LAMA2: variants seen among roughly 807,000 people sequenced by gnomAD.
The protein encoded by LAMA2 is laminin subunit alpha-2.
Under a neutral mutation model 364.8 loss-of-function variants are expected in LAMA2, and 269 were observed. That is an observed-to-expected ratio of 0.74 (90% confidence interval 0.67 to 0.82). LAMA2 has a LOEUF of 0.82. LAMA2 is among the 40% of genes least tolerant of loss of function. The pLI is 0.00. For missense variants in LAMA2, 3,807 were observed against 3,873.2 expected (o/e 0.98, Z 0.45); for synonymous variants, 1,379 against 1,370.6 (o/e 1.01, Z -0.14).
At chr6:129,505,054 C>T (rs1375891563) in intron 60 of LAMA2, 146 bp from the exon 61 acceptor site, 2 of 705,328 alleles carry the variant, frequency 2.8e-6, no homozygotes, top group East Asian at 5.2e-5. Flanking sequence ...TTAACTTTCC[C>T]ATATATAATG....
intron 35 of LAMA2, among the ~76,000 whole-genome samples, chr6:129,388,935 G>T (rs762524838): frequency 6.6e-6 from 1 of 152,150 alleles, no homozygotes; most frequent in Non-Finnish European, 1.5e-5. Context: ...GAAGCAGAAA[G>T]CTTCTTACAT....
intron 41 of LAMA2, among the ~76,000 whole-genome samples, chr6:129,433,466 T>A (rs1268844458): frequency 2.6e-5 from 4 of 152,160 alleles, no homozygotes; most frequent in Non-Finnish European, 5.9e-5. Context: ...CTGAACACAG[T>A]CACTTATGCC....
chr6:128,944,048 G>C (rs971502103), intron 1 of LAMA2, among the ~76,000 whole-genome samples: 6 of 152,138 alleles, frequency 3.9e-5, no homozygotes, highest in Non-Finnish European at 7.4e-5. Flanking sequence ...GTACTTTGTA[G>C]GAACTAATGT....
At chr6:129,239,862 G>A (rs1200732211) in intron 12 of LAMA2, among the ~76,000 whole-genome samples, 1 of 152,134 alleles carries the variant, frequency 6.6e-6, no homozygotes, top group Admixed American at 6.5e-5. Flanking sequence ...TGGAGGGACA[G>A]AACTAATAGG....
chr6:129,348,914 T>C (rs898925386), intron 30 of LAMA2, among the ~76,000 whole-genome samples: 20 of 152,168 alleles, frequency 1.3e-4, no homozygotes, highest in Admixed American at 1.2e-3. Context: ...CTAAGAGATA[T>C]TAAGTAATAG....
chr6:129,413,210 AAG>A (rs1780623081), intron 40 of LAMA2, among the ~76,000 whole-genome samples: 1 of 152,170 alleles, frequency 6.6e-6, no homozygotes, highest in African/African-American at 2.4e-5. Flanking sequence ...ATTAAGGACA[AAG>A]AAAGTGATCA....
Position 129,095,923 on chromosome 6 carries a change from GAA to G in LAMA2, c.397-2238_397-2237del, listed in dbSNP as rs531081776. ...GGACAACAGAGCAGGACGCAGTCTG[GAA>G]AAAAAAAAAAAGTGTAAAAGCTAGA... On this transcript the variant is annotated intron_variant, in intron 3 of 64. Transcript: ENST00000421865. Among the ~76,000 whole-genome samples the G allele has an allele frequency of 2.2e-3, 308 of 140,424 alleles. 1 individual carries two copies. The highest frequency in any genetic ancestry group is 7.6e-3 in the African/African-American group (292 of 38,664). The allele number at this position is 140,424 out of a possible 152,430, so 92.1% of individuals were successfully genotyped here.
intron 1 of LAMA2, among the ~76,000 whole-genome samples, chr6:128,920,504 A>G (rs1419350517): frequency 6.6e-6 from 1 of 152,010 alleles, no homozygotes; most frequent in East Asian, 1.9e-4. Context: ...TCTGACCTCT[A>G]GACTAGTTTG....
chr6:129,042,706 G>C (rs1345165102), intron 1 of LAMA2, among the ~76,000 whole-genome samples: 1 of 151,902 alleles, frequency 6.6e-6, no homozygotes. Flanking sequence ...CATTTTTCCT[G>C]TTTTATTTTC....
In LAMA2 at chr6:129,315,407, C is replaced by T. The variant is rs569152048; in HGVS notation, c.3556-69C>T. On this transcript the variant is annotated intron_variant, in intron 24 of 64. Coordinates refer to ENST00000421865, the MANE Select transcript of LAMA2 (RefSeq NM_000426.4). The stretch of plus-strand genomic sequence containing the variant: ...AGGAACTGCAGATAGACATGCAGTT[C>T]GTAACTTAGTTTTAAAGAAATGTCC... The T allele has an allele frequency of 1.4e-4, 193 of 1,386,996 alleles. 1 individual carries two copies. In the South Asian group the frequency reaches 1.5e-3, roughly 11 times the overall value. 85.9% of individuals were successfully genotyped at this position (1,386,996 alleles called of 1,614,324 possible). A position where few individuals can be genotyped will look rare whatever the true frequency, so the allele number is the denominator to read the frequency against.
At chr6:129,350,887 C>T (rs1776815852) in intron 31 of LAMA2, among the ~76,000 whole-genome samples, 1 of 152,170 alleles carries the variant, frequency 6.6e-6, no homozygotes, top group Non-Finnish European at 1.5e-5. Flanking sequence ...ACTCTAAACA[C>T]AGTATCCAAT....
intron 9 of LAMA2, among the ~76,000 whole-genome samples, chr6:129,169,202 A>C (rs1474073590): frequency 1.3e-5 from 2 of 149,604 alleles, no homozygotes; most frequent in Non-Finnish European, 3.0e-5. Context: ...CACTATGTTG[A>C]ATAGGAGCGG....
chr6:129,265,072 A>G (rs1046328346), intron 15 of LAMA2, among the ~76,000 whole-genome samples: 4 of 152,184 alleles, frequency 2.6e-5, no homozygotes, highest in African/African-American at 9.6e-5. Context: ...TAGAAGGGAA[A>G]GTTATTACTA....
chr6:129,361,863 C>A (rs1777481749), intron 32 of LAMA2, among the ~76,000 whole-genome samples: 1 of 147,260 alleles, frequency 6.8e-6, no homozygotes, highest in African/African-American at 2.5e-5. Context: ...AGGCTCACTG[C>A]AGCCTCTACC....
chr6:129,353,338 C>G lies in LAMA2; in HGVS notation c.4698C>G (p.Arg1566=). 3 of 1,613,646 alleles carry G rather than the reference C, an allele frequency of 1.9e-6. No homozygotes were observed. Among genetic ancestry groups the G allele is most frequent in the East Asian group, 2.2e-5 (1 of 44,852 alleles). The change falls in exon 32 of 65, where the codon CGC becomes CGG. Residue 1566 remains arginine, a synonymous_variant. Coordinates refer to ENST00000421865, the MANE Select transcript of LAMA2 (RefSeq NM_000426.4). ...ACGGCTGCAAGCACTGGCATGCACG[C>G]GAGGGCTGGGAGTGTGTTTGTACGT... ...KCDGCKHWHA[R]EGWECVFCGD...
chr6:129,312,055 A>T (rs1028524486), intron 22 of LAMA2, among the ~76,000 whole-genome samples: 5 of 145,966 alleles, frequency 3.4e-5, no homozygotes, highest in Non-Finnish European at 7.4e-5. Context: ...ATTAGAACAG[A>T]TGTAAAAATC....
chr6:129,345,264 G>A (rs1776482665), intron 30 of LAMA2, among the ~76,000 whole-genome samples: 1 of 152,072 alleles, frequency 6.6e-6, no homozygotes, highest in Admixed American at 6.6e-5. Flanking sequence ...ACATGCCTGG[G>A]CTACATGACT....
At chr6:129,372,809 T>C (rs900751201) in intron 34 of LAMA2, among the ~76,000 whole-genome samples, 9 of 152,208 alleles carry the variant, frequency 5.9e-5, no homozygotes, top group Non-Finnish European at 1.3e-4. Context: ...CAATAGCATT[T>C]GGTGTTTTTA....
intron 40 of LAMA2, among the ~76,000 whole-genome samples, chr6:129,425,361 G>A (rs2114736562): frequency 6.6e-6 from 1 of 151,594 alleles, no homozygotes; most frequent in South Asian, 2.1e-4. Context: ...TGTTGTTTGG[G>A]CCATCTTCCT....
Sources: allele counts gnomAD v4.1 joint callset (sites outside exome capture counted in the v4.1 genomes callset), GRCh38; gene constraint gnomAD v4.1.1; transcripts MANE v1.5; gene names NCBI Gene and HGNC (gene_info 2026-07-23, HGNC 2026-07-21).